The following PDE5A variants were observed in gnomAD, a reference collection of about 807,000 sequenced individuals.
The protein encoded by PDE5A is phosphodiesterase 5A.
Under a neutral mutation model 110.2 loss-of-function variants are expected in PDE5A, and 67 were observed. The ratio of observed to expected loss-of-function variants is 0.61; its 90% CI spans 0.50 to 0.75. PDE5A has a LOEUF of 0.75. Ranked by LOEUF, PDE5A falls within the 30% of genes least tolerant of loss-of-function variation. The probability of loss-of-function intolerance (pLI) is 0.00; values close to 1 mark genes in which losing one functional copy is unlikely to be tolerated. For synonymous variants in PDE5A, 328 were observed against 351.2 expected (o/e 0.93, Z 0.74); for missense variants, 862 against 1,045.1 (o/e 0.82, Z 2.42).
intron 8 of PDE5A, 65 bp from the exon 9 acceptor site, chr4:119,552,702 C>G (rs1357612092): frequency 3.8e-6 from 3 of 798,928 alleles, no homozygotes; most frequent in Non-Finnish European, 5.9e-6. Context: ...CCATTAGATG[C>G]CATATAAACT....
chr4:119,587,937 C>T (rs975960032), intron 3 of PDE5A, among the ~76,000 whole-genome samples: 2 of 152,222 alleles, frequency 1.3e-5, no homozygotes, highest in African/African-American at 2.4e-5. Flanking sequence ...GGCCTCCACA[C>T]TCCATGGAGA....
intron 13 of PDE5A, among the ~76,000 whole-genome samples, chr4:119,520,285 A>T (rs1316388536): frequency 1.3e-5 from 2 of 152,120 alleles, no homozygotes; most frequent in Non-Finnish European, 2.9e-5. Flanking sequence ...CAGTTATATG[A>T]TGGATGCCTG....
chr4:119,507,574 C>G (rs1725597148), intron 16 of PDE5A, 30 bp downstream of exon 16: 2 of 1,330,884 alleles, frequency 1.5e-6, no homozygotes, highest in Non-Finnish European at 2.1e-6. Flanking sequence ...CTTCAAATAC[C>G]TATTTCTCAG....
chr4:119,534,050 C>T (rs1272737192), intron 11 of PDE5A, among the ~76,000 whole-genome samples: 1 of 152,086 alleles, frequency 6.6e-6, no homozygotes, highest in Admixed American at 6.6e-5. Flanking sequence ...TAGCTTGTCA[C>T]ATGAAGGCAG....
chr4:119,556,479 G>T (rs1199114829), intron 7 of PDE5A, among the ~76,000 whole-genome samples: 1 of 152,232 alleles, frequency 6.6e-6, no homozygotes, highest in African/African-American at 2.4e-5. Context: ...GTGGAGCACA[G>T]CTACAGCACC....
rs1729464428 is a variant in PDE5A, at chr4:119,604,631, T to C, written c.741+2078A>G. ...GAATCAAAATTGAACACATTGCTTATATAGAATGGATTCTGAAAAAACATT... is the reference window on the plus strand; with the variant it reads ...GAATCAAAATTGAACACATTGCTTACATAGAATGGATTCTGAAAAAACATT... On this transcript the variant is annotated intron_variant, in intron 2 of 20. Coordinates refer to ENST00000354960, the MANE Select transcript of PDE5A (RefSeq NM_001083.4). 2.0e-5 allele frequency among the ~76,000 whole-genome samples: 3 copies of C among 152,186 alleles called. No homozygotes were observed. In the South Asian group the frequency reaches 6.2e-4, roughly 31 times the overall value.
At position 119,497,378 on chromosome 4, in the gene PDE5A, A is replaced by C. The variant is rs1578713856; in HGVS notation, c.*1223T>G. 1 of 152,142 alleles carries C rather than the reference A, an allele frequency of 6.6e-6. No homozygotes were observed. Among genetic ancestry groups the C allele is most frequent in the East Asian group, 1.9e-4 (1 of 5,194 alleles). The allele number at this position is 152,142 out of a possible 1,614,324, so 9.4% of individuals were successfully genotyped here. ...ATATTAATCCACTTAAATGGGCTCA[A>C]ATTCTAAGAAAATATTAACTATACT... On this transcript the variant is annotated 3_prime_UTR_variant, in exon 21 of 21. Coordinates refer to ENST00000354960, the MANE Select transcript of PDE5A (RefSeq NM_001083.4).
At chr4:119,585,159 C>T (rs1178057627) in intron 3 of PDE5A, among the ~76,000 whole-genome samples, 7 of 151,840 alleles carry the variant, frequency 4.6e-5, no homozygotes. Context: ...CCTGTAATTC[C>T]AGCTATTCGG....
At position 119,607,172 on chromosome 4, in the gene PDE5A, G is replaced by A. The variant is rs3733526; in HGVS notation, c.278C>T (p.Ala93Val). Residue 93 changes from alanine (A) to valine (V), a missense_variant, in exon 2 of 21, where the codon GCC becomes GTC. Coordinates refer to ENST00000354960, the MANE Select transcript of PDE5A (RefSeq NM_001083.4). ...GATTTTCCTGGTTGGTGTTCCAGGG[G>A]CACTGTTATCTGCACGAGGACTCTG... ...LQQSPRADNS[A>V]PGTPTRKISA... The A allele has an allele frequency of 0.82, 1,319,099 of 1,613,734 alleles. 540,289 individuals carry two copies. The highest frequency in any genetic ancestry group is 0.89 in the East Asian group (40,098 of 44,858).
chr4:119,539,977 GA>G (rs1374717799), intron 10 of PDE5A, among the ~76,000 whole-genome samples: 2 of 151,630 alleles, frequency 1.3e-5, no homozygotes, highest in South Asian at 2.1e-4. Flanking sequence ...CCAAAAATCT[GA>G]AAAAAAATGC....
chr4:119,525,540 C>A lies in PDE5A; in HGVS notation c.1779+9G>T. ...TAGACTTTTCCAAAGGATGTTGCTG[C>A]ATTCCTACCTCATGTTTCATCTGGA... On this transcript the variant is annotated intron_variant, in intron 12 of 20. Coordinates refer to ENST00000354960, the MANE Select transcript of PDE5A (RefSeq NM_001083.4). This position sits in a 1 kb window ranked among gnomAD's most constrained non-coding sequence, Gnocchi z 4.3. The A allele has an allele frequency of 6.2e-7, 1 of 1,611,536 alleles. No individual in the cohort carries two copies. Among genetic ancestry groups the A allele is most frequent in the Non-Finnish European group, 8.5e-7 (1 of 1,178,402 alleles).
chr4:119,579,970 A>C (rs1728527730), intron 3 of PDE5A, among the ~76,000 whole-genome samples: 1 of 152,178 alleles, frequency 6.6e-6, no homozygotes, highest in South Asian at 2.1e-4. Flanking sequence ...TGTCTGGGTA[A>C]TGTTGAAGCA....
At chr4:119,536,863 A>G (rs558091263) in intron 11 of PDE5A, among the ~76,000 whole-genome samples, 19 of 152,166 alleles carry the variant, frequency 1.2e-4, no homozygotes, top group Non-Finnish European at 2.2e-4. Context: ...GAGAAGCACA[A>G]TAGAAACTCT....
intron 2 of PDE5A, among the ~76,000 whole-genome samples, chr4:119,596,889 C>A (rs1233766774): frequency 2.0e-5 from 3 of 152,044 alleles, no homozygotes; most frequent in African/African-American, 4.8e-5. Flanking sequence ...AAAATATTAA[C>A]CACTTTAGAT....
chr4:119,505,975 A>G (rs765623457), intron 16 of PDE5A, 43 bp from the exon 17 acceptor site: 1 of 1,132,544 alleles, frequency 8.8e-7, no homozygotes, highest in Admixed American at 2.4e-5. Context: ...ATGAGTACCC[A>G]GGGTCTTATC....
At chr4:119,611,483 C>T (rs993532462) in intron 1 of PDE5A, among the ~76,000 whole-genome samples, 2 of 152,140 alleles carry the variant, frequency 1.3e-5, no homozygotes, top group Non-Finnish European at 2.9e-5. Context: ...TGTGTTTTAG[C>T]GATTACTGTT....
At chr4:119,565,201 G>A in intron 5 of PDE5A, 120 bp downstream of exon 5, 2 of 660,192 alleles carry the variant, frequency 3.0e-6, no homozygotes, top group South Asian at 1.8e-5. Flanking sequence ...AAAAAATAAA[G>A]TATTGAGAAA....
At chr4:119,610,670 T>TA (rs1230794333) in intron 1 of PDE5A, among the ~76,000 whole-genome samples, 3 of 152,154 alleles carry the variant, frequency 2.0e-5, no homozygotes, top group African/African-American at 2.4e-5. Flanking sequence ...CCTCCACAGT[T>TA]ACTCAAACCA....
chr4:119,562,757 G>A, intron 6 of PDE5A, 76 bp downstream of exon 6: 1 of 1,268,494 alleles, frequency 7.9e-7, no homozygotes, highest in Non-Finnish European at 1.1e-6. Context: ...AGACCAAAAT[G>A]AGGTTTAAAA....
Sources: gnomAD v4.1 joint callset for allele counts (sites outside exome capture counted in the v4.1 genomes callset) on GRCh38, gnomAD v4.1.1 for gene constraint, Gnocchi (gnomAD v3.1) non-coding constraint, MANE v1.5 for transcripts, NCBI Gene and HGNC (gene_info 2026-07-23, HGNC 2026-07-21) for gene names.